DYSF: variants seen among roughly 807,000 people sequenced by gnomAD.
The protein encoded by DYSF is dysferlin, also known as dystrophy-associated fer-1-like 1.
In DYSF, 212 loss-of-function variants were observed where a neutral mutation model predicts 274.9. The ratio of observed to expected loss-of-function variants is 0.77; its 90% CI spans 0.69 to 0.86. The LOEUF is 0.86. Ranked by LOEUF, DYSF falls within the 40% of genes least tolerant of loss-of-function variation. The pLI is 0.00. For missense variants in DYSF, 2,666 were observed against 2,783.2 expected, an observed-to-expected ratio of 0.96 and a Z score of 0.95; for synonymous variants, 1,091 against 1,078.7, an observed-to-expected ratio of 1.01 and a Z score of -0.22.
At chr2:71,453,993 C>T in exon 1 of DYSF, 1 of 1,614,120 alleles carries the variant, frequency 6.2e-7, no homozygotes, top group East Asian at 2.2e-5. Context: ...CCTACACGCG[C>T]CAAGCATGCT....
chr2:71,516,298 C>T, intron 9 of DYSF, 56 bp downstream of exon 9: 1 of 1,526,568 alleles, frequency 6.6e-7, no homozygotes, highest in Non-Finnish European at 9.1e-7. Flanking sequence ...ACATAGGTGT[C>T]AGTGCACACG....
intron 30 of DYSF, among the ~76,000 whole-genome samples, chr2:71,582,579 T>G (rs1370373893): frequency 6.6e-6 from 1 of 152,150 alleles, no homozygotes; most frequent in African/African-American, 2.4e-5. Context: ...GCAAAGCCTA[T>G]AGTGAAGAGA....
At chr2:71,637,141 CAGAG>C (rs1330477762) in intron 41 of DYSF, among the ~76,000 whole-genome samples, 3 of 152,052 alleles carry the variant, frequency 2.0e-5, no homozygotes, top group Non-Finnish European at 2.9e-5. Flanking sequence ...AACGTGTGGG[CAGAG>C]AGAGAGACGT....
chr2:71,535,462 G>A (rs1573812494), intron 16 of DYSF, 151 bp downstream of exon 16: 1 of 857,444 alleles, frequency 1.2e-6, no homozygotes, highest in African/African-American at 1.7e-5. Context: ...GGGATGGAGA[G>A]GGTGTGGGCA....
intron 28 of DYSF, 66 bp downstream of exon 28, chr2:71,570,400 C>T (rs536548510): frequency 4.3e-4 from 655 of 1,532,424 alleles, no homozygotes; most frequent in Non-Finnish European, 5.7e-4. Flanking sequence ...CTGGTGGGGA[C>T]GACTGAATGC....
At chr2:71,459,172 C>G (rs2081186567) in intron 1 of DYSF, among the ~76,000 whole-genome samples, 1 of 152,178 alleles carries the variant, frequency 6.6e-6, no homozygotes, top group Non-Finnish European at 1.5e-5. Flanking sequence ...CTGAAGGAGT[C>G]CTGTCAACTC....
At chr2:71,596,224 A>G (rs899494135) in intron 32 of DYSF, among the ~76,000 whole-genome samples, 8 of 151,874 alleles carry the variant, frequency 5.3e-5, no homozygotes, top group African/African-American at 1.7e-4. Flanking sequence ...CGCTGAGCTC[A>G]TTGCCTGGGC....
At position 71,479,732 on chromosome 2, in the gene DYSF, G is replaced by A. The variant is rs114056622; in HGVS notation, c.92-1151G>A. ...AGGGCTTCTGCCGTGCATCGTCTGG[G>A]GCACAGTGGGTCAGCTCTCAGCCAT... is the stretch of plus-strand genomic sequence containing the variant. On this transcript the variant is annotated intron_variant, in intron 1 of 55. Transcript: ENST00000410020. 4.4e-3 allele frequency among the ~76,000 whole-genome samples: 672 copies of A among 152,246 alleles called. 3 individuals carry two copies. The highest frequency in any genetic ancestry group is 0.014 in the African/African-American group (586 of 41,546).
chr2:71,665,020 G>A, intron 46 of DYSF, 142 bp from the exon 47 acceptor site: 2 of 1,317,492 alleles, frequency 1.5e-6, no homozygotes, highest in Non-Finnish European at 2.2e-6. Context: ...GCCCAGTCAT[G>A]GTGAGCAATC....
Position 71,601,193 on chromosome 2 carries a change from C to A in DYSF, c.3898-306C>A, listed in dbSNP as rs138002566. The A allele has an allele frequency of 1.0e-4, 61 of 591,416 alleles. No homozygotes were observed. In the African/African-American group the frequency reaches 1.1e-3, roughly 10 times the overall value. 36.6% of individuals were successfully genotyped at this position (591,416 alleles called of 1,614,324 possible). On this transcript the variant is annotated intron_variant, in intron 34 of 55. Transcript: ENST00000410020. The stretch of plus-strand genomic sequence containing the variant: ...CATTGCTGGCTTCACCATGACCTAG[C>A]CTCATGGCCCTGGGCCAGCCACTCC...
chr2:71,467,510 A>G (rs1001906443), intron 1 of DYSF, among the ~76,000 whole-genome samples: 9 of 152,198 alleles, frequency 5.9e-5, no homozygotes, highest in Admixed American at 5.2e-4. Context: ...CTAAGTCCCT[A>G]CATGTAGTGC....
chr2:71,550,974 G>C (rs1044558943), intron 17 of DYSF, 67 bp from the exon 18 acceptor site: 1 of 1,426,878 alleles, frequency 7.0e-7, no homozygotes, highest in African/African-American at 1.4e-5. Context: ...AGGTTGGAAG[G>C]TGGCTGGGTG....
At chr2:71,601,986 C>A (rs998778026) in intron 35 of DYSF, among the ~76,000 whole-genome samples, 1 of 152,264 alleles carries the variant, frequency 6.6e-6, no homozygotes, top group Non-Finnish European at 1.5e-5. Flanking sequence ...CCTCCAGGGC[C>A]TTCTCACACA....
intron 3 of DYSF, among the ~76,000 whole-genome samples, chr2:71,491,034 A>G (rs1296040850): frequency 6.6e-6 from 1 of 152,192 alleles, no homozygotes; most frequent in Non-Finnish European, 1.5e-5. Context: ...CTGCCAAATT[A>G]CTTTTCAAAA....
At chr2:71,504,736 C>A (rs538062643) in intron 4 of DYSF, among the ~76,000 whole-genome samples, 32 of 152,352 alleles carry the variant, frequency 2.1e-4, no homozygotes, top group African/African-American at 7.7e-4. Flanking sequence ...TCTGGTGTTT[C>A]CTGCCCTTCG....
At chr2:71,489,225 A>G (rs2083610401) in intron 3 of DYSF, among the ~76,000 whole-genome samples, 1 of 151,756 alleles carries the variant, frequency 6.6e-6, no homozygotes, top group South Asian at 2.1e-4. Flanking sequence ...TGCTGCCCCC[A>G]CCACTCAAAG....
chr2:71,593,125 C>CTTTTTTTTTTTT (rs35900869), intron 32 of DYSF, among the ~76,000 whole-genome samples: 1 of 85,564 alleles, frequency 1.2e-5, no homozygotes, highest in Non-Finnish European at 2.2e-5. Flanking sequence ...TCAGTGACTT[C>CTTTTTTTTTTTT]TTTTTTTTTT....
chr2:71,600,540 A>C (rs751067443), intron 33 of DYSF, among the ~76,000 whole-genome samples, 162 bp from the exon 34 acceptor site: 16 of 152,206 alleles, frequency 1.1e-4, no homozygotes, highest in Non-Finnish European at 2.2e-4. Flanking sequence ...TTTGTCCTTG[A>C]GTCCTGCTAA....
intron 42 of DYSF, 116 bp from the exon 43 acceptor site, chr2:71,656,046 T>C: frequency 7.5e-7 from 1 of 1,331,192 alleles, no homozygotes; most frequent in Non-Finnish European, 1.1e-6. Flanking sequence ...TCCTTCTCTC[T>C]CTTTATTCAC....
Sources: gnomAD v4.1 joint callset for allele counts (sites outside exome capture counted in the v4.1 genomes callset) on GRCh38, gnomAD v4.1.1 for gene constraint, MANE v1.5 for transcripts, NCBI Gene and HGNC (gene_info 2026-07-23, HGNC 2026-07-21) for gene names.